The following MITF variants were observed in gnomAD, a reference collection of about 807,000 sequenced individuals.
MITF encodes the protein melanocyte inducing transcription factor, also known as microphthalmia-associated transcription factor.
In MITF, 17 loss-of-function variants were observed where a neutral mutation model predicts 60.5. The observed-to-expected ratio is 0.28, with a 90% CI of 0.19 to 0.42. The LOEUF (loss-of-function observed/expected upper bound fraction) is 0.42, where lower values mean the gene tolerates loss of function less well. Ranked by LOEUF, MITF falls within the 10% of genes least tolerant of loss-of-function variation. The probability of loss-of-function intolerance (pLI) is 1.00; values close to 1 mark genes in which losing one functional copy is unlikely to be tolerated. For synonymous variants in MITF, 260 were observed against 248.5 expected (o/e 1.05, Z -0.43); for missense variants, 622 against 683.5 (o/e 0.91, Z 1.00).
At chr3:69,796,864 T>C (rs186280705) in intron 1 of MITF, among the ~76,000 whole-genome samples, 1 of 152,260 alleles carries the variant, frequency 6.6e-6, no homozygotes, top group Non-Finnish European at 1.5e-5. Context: ...AAACTAAACA[T>C]TTCAAAATAC....
chr3:69,763,335 G>T (rs1015903404), intron 1 of MITF, among the ~76,000 whole-genome samples: 5 of 152,158 alleles, frequency 3.3e-5, no homozygotes, highest in Non-Finnish European at 7.4e-5. Flanking sequence ...GTAAGGTGTT[G>T]AATTTATTTA....
At chr3:69,892,767 G>C (rs1029561983) in intron 2 of MITF, among the ~76,000 whole-genome samples, 1 of 152,228 alleles carries the variant, frequency 6.6e-6, no homozygotes, top group Non-Finnish European at 1.5e-5. Flanking sequence ...TCCCCCAGCA[G>C]TAGGCCCTTC....
chr3:69,812,819 C>G (rs1461328045), intron 1 of MITF, among the ~76,000 whole-genome samples: 1 of 152,084 alleles, frequency 6.6e-6, no homozygotes, highest in Non-Finnish European at 1.5e-5. Context: ...TTGGCATATC[C>G]TAAAATCATT....
chr3:69,914,719 G>A (rs1052448106), intron 2 of MITF, among the ~76,000 whole-genome samples: 1 of 152,128 alleles, frequency 6.6e-6, no homozygotes, highest in South Asian at 2.1e-4. Flanking sequence ...TCTTCAGGGG[G>A]ATGGGCTGTG....
At chr3:69,953,928 A>G (rs1206668966) in intron 7 of MITF, among the ~76,000 whole-genome samples, 1 of 152,154 alleles carries the variant, frequency 6.6e-6, no homozygotes, top group Admixed American at 6.5e-5. Flanking sequence ...CTCTGTGTTT[A>G]TATGAATGTA....
chr3:69,762,995 A>G (rs1218075664), intron 1 of MITF, among the ~76,000 whole-genome samples: 1 of 152,192 alleles, frequency 6.6e-6, no homozygotes, highest in Non-Finnish European at 1.5e-5. Context: ...ACAACCTCTG[A>G]GTTAAATACC....
chr3:69,806,532 A>G (rs1471686899), intron 1 of MITF, among the ~76,000 whole-genome samples: 1 of 152,172 alleles, frequency 6.6e-6, no homozygotes, highest in Non-Finnish European at 1.5e-5. Flanking sequence ...TAGTTAGACC[A>G]TTACAAATTT....
intron 1 of MITF, among the ~76,000 whole-genome samples, chr3:69,818,485 C>T (rs763149939): frequency 5.8e-4 from 89 of 152,252 alleles, no homozygotes; most frequent in Non-Finnish European, 9.4e-4. Flanking sequence ...CTACTGTATG[C>T]TTTCTACAAT....
chr3:69,926,421 A>G (rs926749763), intron 2 of MITF, among the ~76,000 whole-genome samples: 1 of 152,168 alleles, frequency 6.6e-6, no homozygotes, highest in Non-Finnish European at 1.5e-5. Context: ...CTTAGGCCCA[A>G]GGCAATGTTT....
At chr3:69,805,180 G>T (rs1235900588) in intron 1 of MITF, among the ~76,000 whole-genome samples, 1 of 152,020 alleles carries the variant, frequency 6.6e-6, no homozygotes, top group African/African-American at 2.4e-5. Context: ...AAGTTAGGAA[G>T]ATAATTGATC....
chr3:69,944,054 A>G (rs2066034792), intron 5 of MITF, among the ~76,000 whole-genome samples: 2 of 152,168 alleles, frequency 1.3e-5, no homozygotes, highest in Admixed American at 1.3e-4. Flanking sequence ...TGATCGTGCC[A>G]CTGTCCTTTA....
chr3:69,961,285 A>G (rs1004928054), intron 9 of MITF, among the ~76,000 whole-genome samples: 33 of 152,078 alleles, frequency 2.2e-4, no homozygotes, highest in African/African-American at 7.7e-4. Flanking sequence ...CGTGAGGCTG[A>G]GGCAGAGAAT....
intron 2 of MITF, among the ~76,000 whole-genome samples, chr3:69,894,756 T>C (rs567244708): frequency 6.6e-6 from 1 of 152,202 alleles, no homozygotes; most frequent in African/African-American, 2.4e-5. Flanking sequence ...TTAATTTTTT[T>C]ATTCATTTGT....
intron 1 of MITF, among the ~76,000 whole-genome samples, chr3:69,867,546 T>A (rs1004311550): frequency 1.3e-5 from 2 of 152,168 alleles, no homozygotes; most frequent in African/African-American, 4.8e-5. Flanking sequence ...TATAAAATGT[T>A]AGAGCATTTT....
intron 1 of MITF, among the ~76,000 whole-genome samples, chr3:69,850,094 T>C (rs1310252136): frequency 6.6e-6 from 1 of 152,154 alleles, no homozygotes; most frequent in African/African-American, 2.4e-5. Context: ...AAGATCAAGG[T>C]GTTTATTGTT....
intron 6 of MITF, among the ~76,000 whole-genome samples, chr3:69,949,397 C>T (rs1293211608): frequency 3.3e-5 from 5 of 151,760 alleles, no homozygotes; most frequent in African/African-American, 4.8e-5. Flanking sequence ...TACTGGGAAT[C>T]GGGGCCACCA....
At chr3:69,923,056 C>A (rs544284452) in intron 2 of MITF, among the ~76,000 whole-genome samples, 155 of 152,206 alleles carry the variant, frequency 1.0e-3, no homozygotes, top group African/African-American at 3.5e-3. Flanking sequence ...TCAGGAGAAG[C>A]CTTATTTATA....
chr3:69,941,262 T>C lies in MITF; in HGVS notation c.693T>C (p.Ile231=). The change falls in exon 5 of 10, where the codon ATT becomes ATC. Residue 231 remains isoleucine, a synonymous_variant. Coordinates refer to ENST00000352241, the MANE Select transcript of MITF (RefSeq NM_001354604.2). The stretch of plus-strand genomic sequence containing the variant: ...TGGATGATGTAATCGATGACATCAT[T>C]AGCCTAGAATCAAGTTATAATGAGG... ...MQMDDVIDDI[I]SLESSYNEEI... The C allele has an allele frequency of 6.2e-7, 1 of 1,612,616 alleles. No homozygotes were observed. The highest frequency in any genetic ancestry group is 8.5e-7 in the Non-Finnish European group (1 of 1,178,874).
At chr3:69,829,343 T>G (rs2107088112) in intron 1 of MITF, among the ~76,000 whole-genome samples, 1 of 152,318 alleles carries the variant, frequency 6.6e-6, no homozygotes, top group South Asian at 2.1e-4. Context: ...TAGGCGTGAA[T>G]TTTGACATGG....
Sources: gnomAD v4.1 joint callset for allele counts (sites outside exome capture counted in the v4.1 genomes callset) on GRCh38, gnomAD v4.1.1 for gene constraint, MANE v1.5 for transcripts, NCBI Gene and HGNC (gene_info 2026-07-23, HGNC 2026-07-21) for gene names.